Variants in INSL6 observed in about 807,000 individuals in gnomAD.
INSL6 encodes the protein insulin-like peptide INSL6.
A neutral mutation model predicts 9.4 loss-of-function variants in INSL6; 16 were observed. The observed-to-expected ratio is 1.70, with a 90% CI of 1.15 to 2.59. The LOEUF is 2.59. Among genes scored for constraint, INSL6 ranks in the 30% most tolerant of loss-of-function variants. INSL6 has a pLI of 0.00. For missense variants in INSL6, 391 were observed against 257.3 expected, an observed-to-expected ratio of 1.52 and a Z score of -3.56; for synonymous variants, 154 against 96.9, an observed-to-expected ratio of 1.59 and a Z score of -3.46.
chr9:5,020,867 C>G, the INSL6 span, among the ~76,000 whole-genome samples: 1 of 151,986 alleles, frequency 6.6e-6, no homozygotes, highest in Non-Finnish European at 1.5e-5. Flanking sequence ...CTGTTGGGCT[C>G]CAGGGTAGGA....
intron 1 of INSL6, among the ~76,000 whole-genome samples, chr9:5,169,886 A>G (rs573054636): frequency 6.6e-6 from 1 of 152,326 alleles, no homozygotes; most frequent in South Asian, 2.1e-4. Context: ...GAGACCTACG[A>G]AGAGACTTAA....
chr9:5,137,629 A>C (rs1038545635), intron 2 of INSL6, among the ~76,000 whole-genome samples: 3 of 152,236 alleles, frequency 2.0e-5, no homozygotes, highest in Non-Finnish European at 4.4e-5. Context: ...CTAAATCCAT[A>C]AAAAACCTGG....
At chr9:5,118,095 T>C in the INSL6 span, among the ~76,000 whole-genome samples, 2 of 152,168 alleles carry the variant, frequency 1.3e-5, no homozygotes, top group African/African-American at 4.8e-5. Context: ...ATCTAAATAG[T>C]GCTTGCAGTG....
chr9:5,091,602 T>C, the INSL6 span: 1 of 152,114 alleles, frequency 6.6e-6, no homozygotes, highest in Non-Finnish European at 1.5e-5. Context: ...CTCAGGGTAA[T>C]AGATTAGATA....
At chr9:5,141,069 C>T (rs1303901205) in intron 2 of INSL6, among the ~76,000 whole-genome samples, 1 of 152,190 alleles carries the variant, frequency 6.6e-6, no homozygotes, top group Non-Finnish European at 1.5e-5. Context: ...CATAGTACTC[C>T]ATGGTGTATA....
intron 1 of INSL6, among the ~76,000 whole-genome samples, chr9:5,168,910 C>T (rs550724391): frequency 2.7e-5 from 4 of 147,618 alleles, no homozygotes; most frequent in South Asian, 2.2e-4. Flanking sequence ...AAGAGACGGG[C>T]GGCCAATATT....
At chr9:5,055,665 A>G in the INSL6 span, 3 of 1,551,356 alleles carry the variant, frequency 1.9e-6, no homozygotes, top group Admixed American at 1.7e-5. Context: ...GCTTTTAATT[A>G]TAGGATTTAC....
chr9:5,152,522 G>A (rs1824731412), intron 2 of INSL6, among the ~76,000 whole-genome samples: 1 of 152,114 alleles, frequency 6.6e-6, no homozygotes, highest in Non-Finnish European at 1.5e-5. Context: ...AAAATGACAT[G>A]TAAACTTAAA....
At chr9:5,145,430 C>A (rs1010258191) in intron 2 of INSL6, among the ~76,000 whole-genome samples, 14 of 152,118 alleles carry the variant, frequency 9.2e-5, no homozygotes, top group African/African-American at 3.1e-4. Flanking sequence ...GATGATTAAG[C>A]ATCCTGGGGT....
At chr9:5,069,865 T>C in the INSL6 span, 13 of 1,158,930 alleles carry the variant, frequency 1.1e-5, no homozygotes, top group Non-Finnish European at 1.5e-5. Context: ...TACTCCTCTT[T>C]GGAGCAATTC....
At chr9:5,131,462 A>G in intron 3 of INSL6, among the ~76,000 whole-genome samples, 2 of 66,698 alleles carry the variant, frequency 3.0e-5, no homozygotes, top group South Asian at 8.5e-4. Flanking sequence ...TTTGAGACAG[A>G]GTTTTGCTCT....
intron 2 of INSL6, among the ~76,000 whole-genome samples, chr9:5,150,609 C>CTTA (rs374470478): frequency 6.6e-6 from 1 of 152,070 alleles, no homozygotes; most frequent in African/African-American, 2.4e-5. Context: ...AAAGAGAACA[C>CTTA]TTATTATTTT....
chr9:5,159,410 C>T (rs557283634), downstream of INSL6, among the ~76,000 whole-genome samples: 2 of 151,388 alleles, frequency 1.3e-5, no homozygotes, highest in African/African-American at 4.8e-5. Flanking sequence ...ACAAGAAACA[C>T]GCTTCATGTA....
chr9:5,007,091 TTTTC>T, the INSL6 span, among the ~76,000 whole-genome samples: 1 of 152,128 alleles, frequency 6.6e-6, no homozygotes, highest in Non-Finnish European at 1.5e-5. Flanking sequence ...TTTACTTTGC[TTTTC>T]TTTATTTTAT....
At chr9:5,013,440 A>G in the INSL6 span, among the ~76,000 whole-genome samples, 3 of 152,244 alleles carry the variant, frequency 2.0e-5, no homozygotes, top group Non-Finnish European at 4.4e-5. Context: ...GTAAACATTT[A>G]AATGTATTTT....
the INSL6 span, chr9:5,114,011 G>T: frequency 1.0e-5 from 3 of 300,392 alleles, no homozygotes; most frequent in African/African-American, 4.4e-5. Flanking sequence ...TCGTGGATGT[G>T]AACTGGTCCA....
At chr9:5,172,638 G>C (rs1387643647) in intron 1 of INSL6, among the ~76,000 whole-genome samples, 1 of 152,042 alleles carries the variant, frequency 6.6e-6, no homozygotes, top group Admixed American at 6.6e-5. Flanking sequence ...TCCGCTTAAA[G>C]AGTGGCCAGG....
At chr9:5,164,828 T>C (rs1437154235) in intron 1 of INSL6, among the ~76,000 whole-genome samples, 1 of 152,238 alleles carries the variant, frequency 6.6e-6, no homozygotes, top group Non-Finnish European at 1.5e-5. Flanking sequence ...GCTGAATAGT[T>C]TTCCAATGTG....
the INSL6 span, among the ~76,000 whole-genome samples, chr9:5,053,241 T>G: frequency 6.6e-6 from 1 of 152,114 alleles, no homozygotes; most frequent in African/African-American, 2.4e-5. Context: ...TTTGGCATCT[T>G]TTCATGTACT....
Sources: allele counts gnomAD v4.1 joint callset (sites outside exome capture counted in the v4.1 genomes callset), GRCh38; gene constraint gnomAD v4.1.1; transcripts MANE v1.5; gene names NCBI Gene and HGNC (gene_info 2026-07-23, HGNC 2026-07-21).